The following TBC1D1 variants were observed in gnomAD, a reference collection of about 807,000 sequenced individuals.
TBC1D1 encodes TBC1 (tre-2/USP6, BUB2, cdc16) domain family, member 1.
In TBC1D1, 89 loss-of-function variants were observed where a neutral mutation model predicts 125.6. That is an observed-to-expected ratio of 0.71 (90% CI 0.60 to 0.85). The LOEUF (loss-of-function observed/expected upper bound fraction) is 0.85. Among genes scored for constraint, TBC1D1 ranks in the 40% least tolerant of loss-of-function variants. TBC1D1 has a pLI of 0.00. For missense variants in TBC1D1, 1,377 were observed against 1,469.2 expected, an observed-to-expected ratio of 0.94 and a Z score of 1.03; for synonymous variants, 565 against 564.1, an observed-to-expected ratio of 1.00 and a Z score of -0.02.
intron 18 of TBC1D1, 93 bp from the exon 21 acceptor site, chr4:38,132,991 C>T: frequency 9.0e-7 from 1 of 1,108,454 alleles, no homozygotes. Flanking sequence ...GGAGACGCTT[C>T]ACAGGTGCGC....
intron 12 of TBC1D1, among the ~76,000 whole-genome samples, chr4:38,065,644 C>CATTTTT (rs779133134): frequency 8.4e-6 from 1 of 119,674 alleles, no homozygotes; most frequent in Non-Finnish European, 1.7e-5. Context: ...GTATTACCGC[C>CATTTTT]TTTTTTTTTT....
chr4:38,091,753 C>T (rs534197025), intron 13 of TBC1D1, among the ~76,000 whole-genome samples: 70 of 152,342 alleles, frequency 4.6e-4, no homozygotes, highest in African/African-American at 1.5e-3. Context: ...GCTGTGCAAG[C>T]AATGACCAGA....
chr4:37,995,349 G>T lies in TBC1D1; in HGVS notation c.418-19160G>T, dbSNP rs568361983. The stretch of plus-strand genomic sequence containing the variant: ...TTCTTGTCCTGTATAGTATTTCTTT[G>T]ATTTCCTTCATCTGTAAAAGCAGGA... On this transcript the variant is annotated intron_variant, in intron 2 of 19. Coordinates refer to ENST00000261439, the MANE Select transcript of TBC1D1 (RefSeq NM_015173.4). This position sits in a 1 kb window ranked among gnomAD's most constrained non-coding sequence, Gnocchi z 4.3. 1 of 190,826 alleles carries T rather than the reference G, an allele frequency of 5.2e-6. No homozygotes were observed. The highest frequency in any genetic ancestry group is 5.7e-5 in the Admixed American group (1 of 17,698). 11.8% of individuals were successfully genotyped at this position (190,826 alleles called of 1,614,324 possible). A position where few individuals can be genotyped will look rare whatever the true frequency, so the allele number is the denominator to read the frequency against.
At chr4:38,069,242 T>A (rs772553253) in intron 12 of TBC1D1, among the ~76,000 whole-genome samples, 1 of 152,196 alleles carries the variant, frequency 6.6e-6, no homozygotes, top group Non-Finnish European at 1.5e-5. Context: ...AAGCCATAAC[T>A]GATTGAGTAT....
intron 2 of TBC1D1, among the ~76,000 whole-genome samples, chr4:38,009,241 G>T (rs1740973082): frequency 1.3e-5 from 2 of 152,030 alleles, no homozygotes; most frequent in South Asian, 4.1e-4. Flanking sequence ...TTTGTGTGAA[G>T]TGCTCATTTG....
At position 38,044,487 on chromosome 4, in the gene TBC1D1, C is replaced by A. The variant is rs1258008615; in HGVS notation, c.1539C>A (p.Ser513=). 6.2e-7 allele frequency: 1 copy of A among 1,605,630 alleles called. No homozygotes were observed. Among genetic ancestry groups the A allele is most frequent in the East Asian group, 2.2e-5 (1 of 44,770 alleles). Residue 513 remains serine, a synonymous_variant, in exon 9 of 20, where the codon TCC becomes TCA. Transcript: ENST00000261439. ...CAGAGTCTTTAGAAAGTATTTTGTC[C>A]CGGGTAAGTAGCATAATTTCTCCTG...
At chr4:37,947,463 T>A (rs372456837) in intron 2 of TBC1D1, among the ~76,000 whole-genome samples, 1 of 152,010 alleles carries the variant, frequency 6.6e-6, no homozygotes, top group African/African-American at 2.4e-5. Context: ...GGCCTATTTA[T>A]GTTTTATTTT....
At chr4:37,959,483 T>A (rs1188971729) in intron 2 of TBC1D1, among the ~76,000 whole-genome samples, 3 of 152,102 alleles carry the variant, frequency 2.0e-5, no homozygotes, top group African/African-American at 7.2e-5. Flanking sequence ...GGTCTTGCAG[T>A]CTCAGAGGTG....
chr4:38,047,287 C>T (rs1362312758), intron 10 of TBC1D1, among the ~76,000 whole-genome samples: 2 of 152,158 alleles, frequency 1.3e-5, no homozygotes, highest in Non-Finnish European at 2.9e-5. Flanking sequence ...GCCTCAGCCT[C>T]CTGAGTAGCT....
At chr4:38,060,261 A>G (rs1371167112) in intron 12 of TBC1D1, among the ~76,000 whole-genome samples, 1 of 152,242 alleles carries the variant, frequency 6.6e-6, no homozygotes, top group Non-Finnish European at 1.5e-5. Flanking sequence ...TTGCTGGGTC[A>G]AATGGTATTT....
intron 2 of TBC1D1, among the ~76,000 whole-genome samples, chr4:38,008,513 G>C (rs1041333294): frequency 5.3e-5 from 8 of 152,176 alleles, no homozygotes; most frequent in African/African-American, 1.7e-4. Context: ...GCTGAATAAT[G>C]CTACTTCTTT....
At chr4:38,093,543 A>T (rs1203528364) in intron 13 of TBC1D1, among the ~76,000 whole-genome samples, 7 of 123,670 alleles carry the variant, frequency 5.7e-5, no homozygotes, top group Non-Finnish European at 8.3e-5. Flanking sequence ...TTTTTTTTTG[A>T]GACAGAGTTT....
rs772063850 is a variant in TBC1D1, at chr4:38,103,056, T to C, written c.2456T>C (p.Leu819Pro). ...AAATTTCTAGCTGAGCAATTCCACC[T>C]TAAACACCAGTTTCCCAGCAAACAG... is the stretch of plus-strand genomic sequence containing the variant. Residue 819 changes from leucine (L) to proline (P), a missense_variant, in exon 15 of 20, where the codon CTT (leucine) becomes CCT (proline). By Grantham distance (98) the Leu-to-Pro change is moderately conservative. Around this residue, in one of 3 missense-constraint regions of TBC1D1, gnomAD observed 543 missense variants for 613.5 expected, o/e 0.89. Transcript: ENST00000261439. 1.2e-6 allele frequency: 2 copies of C among 1,614,214 alleles called. No homozygotes were observed. Among genetic ancestry groups the C allele is most frequent in the South Asian group, 1.1e-5 (1 of 91,086 alleles).
intron 2 of TBC1D1, among the ~76,000 whole-genome samples, chr4:37,948,364 C>T (rs190646034): frequency 7.9e-4 from 121 of 152,256 alleles, no homozygotes; most frequent in Non-Finnish European, 1.3e-3. Flanking sequence ...TGGTGGCTCA[C>T]GCCTGTTAAT....
At chr4:37,981,101 C>T (rs188881661) in intron 2 of TBC1D1, among the ~76,000 whole-genome samples, 49 of 152,140 alleles carry the variant, frequency 3.2e-4, no homozygotes, top group Admixed American at 1.0e-3. Context: ...CACCACCATG[C>T]CCAGCTAATT....
At chr4:37,952,079 C>T in intron 2 of TBC1D1, 1 of 717,420 alleles carries the variant, frequency 1.4e-6, no homozygotes, top group South Asian at 1.5e-5. Context: ...GCCTGGAAAG[C>T]AACAGTGAAC....
intron 13 of TBC1D1, among the ~76,000 whole-genome samples, chr4:38,092,062 T>TA (rs1286784255): frequency 8.5e-5 from 13 of 152,310 alleles, no homozygotes; most frequent in South Asian, 2.1e-4. Context: ...GGATTGCTGA[T>TA]AAAAAAATAA....
At chr4:37,963,802 C>G (rs1353908111) in intron 2 of TBC1D1, among the ~76,000 whole-genome samples, 1 of 152,130 alleles carries the variant, frequency 6.6e-6, no homozygotes, top group Non-Finnish European at 1.5e-5. Flanking sequence ...AACAAGAATA[C>G]TGTAATAAAA....
At chr4:37,960,049 A>G (rs1464795291) in intron 2 of TBC1D1, among the ~76,000 whole-genome samples, 1 of 152,260 alleles carries the variant, frequency 6.6e-6, no homozygotes, top group Non-Finnish European at 1.5e-5. Flanking sequence ...GCAAAAGTAC[A>G]TTATAAATTA....
Sources: allele counts gnomAD v4.1 joint callset (sites outside exome capture counted in the v4.1 genomes callset), GRCh38; gene constraint gnomAD v4.1.1; regional missense constraint gnomAD v4.1.1; non-coding constraint Gnocchi (gnomAD v3.1); transcripts MANE v1.5; gene names NCBI Gene and HGNC (gene_info 2026-07-23, HGNC 2026-07-21).